Variants in OXCT1 observed in about 807,000 individuals in gnomAD.
OXCT1 encodes succinyl-CoA:3-ketoacid coenzyme A transferase 1, mitochondrial.
Under a neutral mutation model 69.6 loss-of-function variants are expected in OXCT1, and 27 were observed. The observed-to-expected ratio is 0.39, with a 90% CI of 0.29 to 0.54. The LOEUF is 0.54. Ranked by LOEUF, OXCT1 falls within the 20% of genes least tolerant of loss-of-function variation. OXCT1 has a pLI of 0.72. For missense variants in OXCT1, 437 were observed against 650.2 expected (o/e 0.67, Z 3.57); for synonymous variants, 202 against 217.8 (o/e 0.93, Z 0.64).
chr5:41,794,196 A>T, intron 12 of OXCT1, 118 bp from the exon 13 acceptor site: 1 of 764,434 alleles, frequency 1.3e-6, no homozygotes. Flanking sequence ...CCCCCACCAC[A>T]CAACTGATTT....
intron 5 of OXCT1, among the ~76,000 whole-genome samples, chr5:41,843,968 C>A (rs542264285): frequency 2.0e-5 from 3 of 152,074 alleles, no homozygotes; most frequent in Non-Finnish European, 2.9e-5. Flanking sequence ...TATTTTGGAA[C>A]GGCTTATGTA....
At chr5:41,822,849 T>G (rs557673632) in intron 7 of OXCT1, among the ~76,000 whole-genome samples, 2 of 152,184 alleles carry the variant, frequency 1.3e-5, no homozygotes, top group African/African-American at 4.8e-5. Context: ...TATATTAAAG[T>G]GGATTTCTTA....
chr5:41,809,995 G>A (rs1003336200), intron 7 of OXCT1, among the ~76,000 whole-genome samples: 5 of 151,880 alleles, frequency 3.3e-5, no homozygotes, highest in African/African-American at 1.2e-4. Context: ...TCTCAGAGTT[G>A]GTTAGCAGAG....
intron 1 of OXCT1, among the ~76,000 whole-genome samples, chr5:41,866,678 C>T (rs965978738): frequency 1.1e-4 from 17 of 152,164 alleles, no homozygotes; most frequent in Non-Finnish European, 2.2e-4. Flanking sequence ...CAATTATGCA[C>T]ATGTGACAAG....
At chr5:41,802,230 T>C (rs954543652) in intron 10 of OXCT1, among the ~76,000 whole-genome samples, 1 of 152,134 alleles carries the variant, frequency 6.6e-6, no homozygotes, top group Non-Finnish European at 1.5e-5. Context: ...GTATCAACTA[T>C]ACGCTCAGGA....
At chr5:41,791,842 C>T (rs1373090388) in intron 13 of OXCT1, among the ~76,000 whole-genome samples, 1 of 152,022 alleles carries the variant, frequency 6.6e-6, no homozygotes, top group Non-Finnish European at 1.5e-5. Flanking sequence ...CGCTCTTTCG[C>T]CCACAGGCTG....
At chr5:41,853,342 C>T in intron 4 of OXCT1, 77 bp downstream of exon 4, 2 of 1,383,498 alleles carry the variant, frequency 1.4e-6, no homozygotes, top group South Asian at 2.4e-5. Flanking sequence ...ACCTCTTTTG[C>T]ACAAAGAAAT....
intron 11 of OXCT1, among the ~76,000 whole-genome samples, chr5:41,796,844 T>G (rs1746206721): frequency 6.6e-6 from 1 of 152,202 alleles, no homozygotes. Context: ...AAACGTCACC[T>G]TTTATTATTG....
chr5:41,735,209 G>A (rs925654457), intron 16 of OXCT1, among the ~76,000 whole-genome samples: 7 of 152,192 alleles, frequency 4.6e-5, no homozygotes, highest in African/African-American at 1.7e-4. Context: ...TCTACCAACA[G>A]ATGAGTGGGT....
intron 1 of OXCT1, among the ~76,000 whole-genome samples, chr5:41,864,079 C>T (rs1371773037): frequency 1.3e-5 from 2 of 152,176 alleles, no homozygotes; most frequent in Non-Finnish European, 2.9e-5. Flanking sequence ...AATGAGTCAC[C>T]TAGTGAATAT....
At chr5:41,860,284 T>C (rs1749674631) in intron 3 of OXCT1, among the ~76,000 whole-genome samples, 2 of 151,904 alleles carry the variant, frequency 1.3e-5, no homozygotes, top group African/African-American at 4.8e-5. Flanking sequence ...ACATAACTAC[T>C]GTAAATAAAG....
At chr5:41,852,337 T>A (rs934337239) in intron 4 of OXCT1, among the ~76,000 whole-genome samples, 1 of 152,226 alleles carries the variant, frequency 6.6e-6, no homozygotes, top group African/African-American at 2.4e-5. Flanking sequence ...ATAGTTCCCA[T>A]GTGTGCTTTC....
At position 41,861,405 on chromosome 5, in the gene OXCT1, C is replaced by G; in HGVS notation, c.188-1G>C. On this transcript the variant is annotated splice_acceptor_variant, in intron 2 of 16. Coordinates refer to ENST00000196371, the MANE Select transcript of OXCT1 (RefSeq NM_000436.4). LOFTEE classifies it high-confidence loss of function. Reference sequence around the variant, plus strand: ...TCTGGAATTCCACATAGCCCAAAACCTATATTAAGCCCAAAAAATAAACAA... The same window carrying G: ...TCTGGAATTCCACATAGCCCAAAACGTATATTAAGCCCAAAAAATAAACAA... 6.3e-7 allele frequency: 1 copy of G among 1,583,854 alleles called. No individual in the cohort carries two copies. Among genetic ancestry groups the G allele is most frequent in the Non-Finnish European group, 8.7e-7 (1 of 1,152,896 alleles).
At position 41,794,753 on chromosome 5, in the gene OXCT1, AAC is replaced by A. The variant is rs765464027; in HGVS notation, c.1100-6_1100-5del. 1,433 of 1,566,842 alleles carry A rather than the reference AAC, an allele frequency of 9.1e-4. No individual in the cohort carries two copies. Among genetic ancestry groups the A allele is most frequent in the Non-Finnish European group, 9.8e-4 (1,123 of 1,145,778 alleles). ...AGAATAGTAACTGTTTCCTTGCCTAAACACACACACACACAAAAGAAAGAAAA... is the reference window on the plus strand; with the variant it reads ...AGAATAGTAACTGTTTCCTTGCCTAAACACACACACACAAAAGAAAGAAAA... On this transcript the variant is annotated splice_region_variant and splice_polypyrimidine_tract_variant and intron_variant, in intron 11 of 16. Transcript: ENST00000196371.
At chr5:41,866,962 AGAC>A (rs1750011122) in intron 1 of OXCT1, among the ~76,000 whole-genome samples, 1 of 152,242 alleles carries the variant, frequency 6.6e-6, no homozygotes, top group Non-Finnish European at 1.5e-5. Context: ...GTGTGGTTAC[AGAC>A]ATGCGGGATC....
At position 41,731,112 on chromosome 5, in the gene OXCT1, T is replaced by A. The variant is rs939233510; in HGVS notation, c.*617A>T. ...GCCCTCTTCCTATAATACGCCTTAG[T>A]CTTTGCAAAGCATAGATAGATAGTT... On this transcript the variant is annotated 3_prime_UTR_variant, in exon 17 of 17. Coordinates refer to ENST00000196371, the MANE Select transcript of OXCT1 (RefSeq NM_000436.4). The A allele has an allele frequency of 6.5e-6, 1 of 153,318 alleles. No homozygotes were observed. The highest frequency in any genetic ancestry group is 2.4e-5 in the African/African-American group (1 of 41,466). The allele number at this position is 153,318 out of a possible 1,614,324, so 9.5% of individuals were successfully genotyped here. A position where few individuals can be genotyped will look rare whatever the true frequency, so the allele number is the denominator to read the frequency against.
intron 13 of OXCT1, among the ~76,000 whole-genome samples, chr5:41,764,801 G>A (rs1744517657): frequency 6.6e-6 from 1 of 152,138 alleles, no homozygotes; most frequent in Non-Finnish European, 1.5e-5. Flanking sequence ...AAGCAGGCAG[G>A]GAAGGAAGTA....
chr5:41,739,463 C>T lies in OXCT1; in HGVS notation c.1448G>A (p.Gly483Glu), dbSNP rs201531575. ...KAVFDVDKKKGLTLIELWEGL... is the reference protein window; with the variant it reads ...KAVFDVDKKKELTLIELWEGL... The stretch of plus-strand genomic sequence containing the variant: ...TTCCCAGAGCTCAATCAGAGTCAAC[C>T]CTTTCTTCTTGTCCACATCAAACAC... The change falls in exon 16 of 17, where the codon GGG becomes GAG. Residue 483 changes from glycine (G) to glutamate (E), a missense_variant. By Grantham distance (98) the Gly-to-Glu change is moderately conservative (BLOSUM62 -2). Around this residue, in one of 4 missense-constraint regions of OXCT1, gnomAD observed 102 missense variants for 162.1 expected, o/e 0.63. Coordinates refer to ENST00000196371, the MANE Select transcript of OXCT1 (RefSeq NM_000436.4). 1 of 1,613,608 alleles carries T rather than the reference C, an allele frequency of 6.2e-7. No individual in the cohort carries two copies. Among genetic ancestry groups the T allele is most frequent in the Non-Finnish European group, 8.5e-7 (1 of 1,179,532 alleles).
intron 1 of OXCT1, among the ~76,000 whole-genome samples, chr5:41,864,835 T>A (rs1315609314): frequency 6.6e-6 from 1 of 152,208 alleles, no homozygotes; most frequent in Non-Finnish European, 1.5e-5. Flanking sequence ...GTGTTCTATT[T>A]CTTCCTGTAT....
Sources: allele counts gnomAD v4.1 joint callset (sites outside exome capture counted in the v4.1 genomes callset), GRCh38; gene constraint gnomAD v4.1.1; regional missense constraint gnomAD v4.1.1; transcripts MANE v1.5; gene names NCBI Gene and HGNC (gene_info 2026-07-23, HGNC 2026-07-21).